Variants in COL4A2 observed in about 807,000 individuals in gnomAD.
COL4A2 encodes the protein collagen alpha-2(IV) chain.
A neutral mutation model predicts 200.2 loss-of-function variants in COL4A2; 99 were observed. That is an observed-to-expected ratio of 0.49 (90% confidence interval 0.42 to 0.58). The LOEUF is 0.58. Among genes scored for constraint, COL4A2 ranks in the 20% least tolerant of loss-of-function variants. COL4A2 has a pLI of 0.00. For synonymous variants in COL4A2, 897 were observed against 900.6 expected (o/e 1.00, Z 0.07); for missense variants, 1,950 against 2,314.1 (o/e 0.84, Z 3.23).
Position 110,489,432 on chromosome 13 carries a change from T to C in COL4A2, c.3208-13T>C, listed in dbSNP as rs1380871828. On this transcript the variant is annotated splice_polypyrimidine_tract_variant and intron_variant, in intron 34 of 47. Transcript: ENST00000360467. Reference sequence around the variant, plus strand: ...GCTAACAGCCTTCTAAGATGGTTCATGTCTGTCTTTAGGGTGACAAAGGTG... The same window carrying C: ...GCTAACAGCCTTCTAAGATGGTTCACGTCTGTCTTTAGGGTGACAAAGGTG... 1.2e-6 allele frequency: 2 copies of C among 1,613,990 alleles called. No individual in the cohort carries two copies. Among genetic ancestry groups the C allele is most frequent in the South Asian group, 1.1e-5 (1 of 91,070 alleles).
At chr13:110,473,403 T>G (rs1882559432) in intron 29 of COL4A2, 1 of 455,516 alleles carries the variant, frequency 2.2e-6, no homozygotes, top group Non-Finnish European at 3.9e-6. Context: ...ATGTAATCTG[T>G]TGTCAAGTTG....
intron 10 of COL4A2, 58 bp from the exon 11 acceptor site, chr13:110,432,267 T>C: frequency 6.4e-7 from 1 of 1,558,998 alleles, no homozygotes; most frequent in Non-Finnish European, 8.7e-7. Flanking sequence ...TTCCACCAGA[T>C]GTTATCTGGG....
chr13:110,468,913 C>CAG (rs1195549130), intron 27 of COL4A2, among the ~76,000 whole-genome samples: 1 of 152,204 alleles, frequency 6.6e-6, no homozygotes, highest in Non-Finnish European at 1.5e-5. Flanking sequence ...CACGGTCACA[C>CAG]AGATAGAATG....
intron 3 of COL4A2, among the ~76,000 whole-genome samples, chr13:110,332,142 T>C (rs1482575247): frequency 6.6e-6 from 1 of 152,234 alleles, no homozygotes; most frequent in African/African-American, 2.4e-5. Flanking sequence ...CATTATACTT[T>C]TTTCTTTTTT....
Position 110,511,982 on chromosome 13 carries a change from G to A in COL4A2, c.4930G>A (p.Gly1644Ser). 2 of 1,613,542 alleles carry A rather than the reference G, an allele frequency of 1.2e-6. No individual in the cohort carries two copies. Among genetic ancestry groups the A allele is most frequent in the Non-Finnish European group, 1.7e-6 (2 of 1,180,040 alleles). Residue 1644 changes from glycine (G) to serine (S), a missense_variant, in exon 48 of 48, where the codon GGC (glycine) becomes AGC (serine). Gly to Ser is a moderately conservative substitution (Grantham distance 56). Around this residue, in one of 2 missense-constraint regions of COL4A2, gnomAD observed 1,385 missense variants for 1,720.5 expected, o/e 0.80. Coordinates refer to ENST00000360467, the MANE Select transcript of COL4A2 (RefSeq NM_001846.4). ...EGGGQSLVSP[G>S]SCLEDFRATP... The stretch of plus-strand genomic sequence containing the variant: ...CGGTGGCCAATCACTGGTGTCACCG[G>A]GCAGCTGTCTAGAGGACTTCCGCGC...
At chr13:110,478,831 C>T (rs973453275) in intron 30 of COL4A2, among the ~76,000 whole-genome samples, 2 of 152,200 alleles carry the variant, frequency 1.3e-5, no homozygotes, top group Admixed American at 6.5e-5. Flanking sequence ...CAAAGGACAC[C>T]GTAACTGTAA....
intron 22 of COL4A2, among the ~76,000 whole-genome samples, chr13:110,461,374 G>A (rs111918920): frequency 0.022 from 3,365 of 152,318 alleles, 45 homozygotes; most frequent in Non-Finnish European, 0.033. Context: ...CTGTGGACAC[G>A]AAGGCAATGA....
Position 110,355,836 on chromosome 13 carries a change from TGTGTGGG to T in COL4A2, c.100-1634_100-1628del, listed in dbSNP as rs1877229937. 3.4e-4 allele frequency among the ~76,000 whole-genome samples: 3 copies of T among 8,912 alleles called. 1 individual carries two copies. Among genetic ancestry groups the T allele is most frequent in the Non-Finnish European group, 7.2e-4 (3 of 4,180 alleles). The allele number at this position is 8,912 out of a possible 152,430, so 5.8% of individuals were successfully genotyped here. Reference sequence around the variant, plus strand: ...GGGGAGGGCTGCACTAGCTCACCTGTGTGTGGGGGGGAGGGCTGTACTAGCTCACCTG... The same window carrying T: ...GGGGAGGGCTGCACTAGCTCACCTGTGGGGAGGGCTGTACTAGCTCACCTG... On this transcript the variant is annotated intron_variant, in intron 3 of 47. Transcript: ENST00000360467.
At chr13:110,430,235 G>T in intron 8 of COL4A2, 166 bp from the exon 9 acceptor site, 1 of 826,356 alleles carries the variant, frequency 1.2e-6, no homozygotes. Context: ...AATATATTCT[G>T]ACTAAATAAC....
At chr13:110,427,776 C>T (rs1392859097) in intron 6 of COL4A2, among the ~76,000 whole-genome samples, 2 of 152,312 alleles carry the variant, frequency 1.3e-5, no homozygotes, top group East Asian at 3.9e-4. Context: ...GCTGTGTTGC[C>T]TTTCCCCACC....
intron 4 of COL4A2, among the ~76,000 whole-genome samples, chr13:110,418,688 G>C (rs1276091966): frequency 6.6e-6 from 1 of 152,206 alleles, no homozygotes; most frequent in South Asian, 2.1e-4. Flanking sequence ...ATAAAGAATA[G>C]TACCCAGGGG....
chr13:110,417,349 T>C (rs538305217), intron 4 of COL4A2, among the ~76,000 whole-genome samples: 1 of 151,942 alleles, frequency 6.6e-6, no homozygotes, highest in African/African-American at 2.4e-5. Context: ...AACTGTTCTC[T>C]ATCACATAAG....
At chr13:110,455,844 C>T (rs927993475) in intron 20 of COL4A2, among the ~76,000 whole-genome samples, 11 of 152,238 alleles carry the variant, frequency 7.2e-5, no homozygotes, top group Non-Finnish European at 1.2e-4. Context: ...TTCTCACCTT[C>T]CTGTGTGTAA....
chr13:110,360,728 A>G (rs982745678), intron 4 of COL4A2, among the ~76,000 whole-genome samples: 1 of 152,060 alleles, frequency 6.6e-6, no homozygotes, highest in East Asian at 1.9e-4. Flanking sequence ...CACTGATCCA[A>G]TTAAGCTGTG....
chr13:110,338,555 C>CA (rs926270073), intron 3 of COL4A2, among the ~76,000 whole-genome samples: 16 of 152,188 alleles, frequency 1.1e-4, no homozygotes, highest in African/African-American at 3.9e-4. Flanking sequence ...AGTTAGCACT[C>CA]ACTGAAAACA....
At position 110,506,270 on chromosome 13, in the gene COL4A2, C is replaced by G. The variant is rs1594116517; in HGVS notation, c.4403-145C>G. ...ACCAGGCCGTCCACTCTCTCTCTCT[C>G]TCTCTCTCTCGGGCTGCAGGTGCAC... On this transcript the variant is annotated intron_variant, in intron 45 of 47. Coordinates refer to ENST00000360467, the MANE Select transcript of COL4A2 (RefSeq NM_001846.4). 5 of 897,974 alleles carry G rather than the reference C, an allele frequency of 5.6e-6. No homozygotes were observed. The East Asian group carries it at 1.1e-4, about 19-fold the overall frequency. 55.6% of individuals were successfully genotyped at this position (897,974 alleles called of 1,614,324 possible).
At chr13:110,440,837 A>G (rs1881093594) in intron 16 of COL4A2, among the ~76,000 whole-genome samples, 1 of 152,104 alleles carries the variant, frequency 6.6e-6, no homozygotes, top group Non-Finnish European at 1.5e-5. Context: ...CATCACACTC[A>G]TGCCAACATA....
At chr13:110,371,722 G>A (rs1878017023) in intron 4 of COL4A2, among the ~76,000 whole-genome samples, 1 of 152,190 alleles carries the variant, frequency 6.6e-6, no homozygotes, top group Admixed American at 6.5e-5. Context: ...GATACTCCCT[G>A]CTCTCTGAGC....
intron 4 of COL4A2, among the ~76,000 whole-genome samples, chr13:110,367,613 C>A (rs1455384733): frequency 1.3e-5 from 2 of 152,250 alleles, no homozygotes; most frequent in African/African-American, 4.8e-5. Context: ...CAGTTTTGTG[C>A]ATTGCACCCA....
Sources: allele counts gnomAD v4.1 joint callset (sites outside exome capture counted in the v4.1 genomes callset), GRCh38; gene constraint gnomAD v4.1.1; regional missense constraint gnomAD v4.1.1; transcripts MANE v1.5; gene names NCBI Gene and HGNC (gene_info 2026-07-23, HGNC 2026-07-21).